The following NRG3 variants were observed in gnomAD, a reference collection of about 807,000 sequenced individuals.
The protein encoded by NRG3 is pro-neuregulin-3, membrane-bound isoform.
In NRG3, 31 loss-of-function variants were observed where a neutral mutation model predicts 66.9. The ratio of observed to expected loss-of-function variants is 0.46; its 90% CI spans 0.35 to 0.63. The LOEUF is 0.63. Among genes scored for constraint, NRG3 ranks in the 20% least tolerant of loss-of-function variants. NRG3 has a pLI of 0.00. For missense variants in NRG3, 910 were observed against 878.9 expected (o/e 1.04, Z -0.45); for synonymous variants, 393 against 359.4 (o/e 1.09, Z -1.06).
intron 1 of NRG3, among the ~76,000 whole-genome samples, chr10:82,344,221 A>C (rs2082853446): frequency 6.8e-6 from 1 of 146,980 alleles, no homozygotes; most frequent in African/African-American, 2.7e-5. Flanking sequence ...CGCTCCCCAC[A>C]CCCCACAACA....
intron 4 of NRG3, among the ~76,000 whole-genome samples, chr10:82,934,972 A>G (rs1300082722): frequency 3.3e-5 from 5 of 152,170 alleles, no homozygotes; most frequent in Non-Finnish European, 5.9e-5. Context: ...CTATTTATAT[A>G]AACACTTCAT....
At position 82,601,949 on chromosome 10, in the gene NRG3, G is replaced by A. The variant is rs1379657820; in HGVS notation, c.954-136628G>A. On this transcript the variant is annotated intron_variant, in intron 2 of 8. Coordinates refer to ENST00000372141, the MANE Select transcript of NRG3 (RefSeq NM_001010848.4). The stretch of plus-strand genomic sequence containing the variant: ...ATATATATAGTTAACTAGGCTTGGT[G>A]GTGCATGCCTATAGTCCTAACTATT... 4.7e-5 allele frequency among the ~76,000 whole-genome samples: 7 copies of A among 148,690 alleles called. No homozygotes were observed. In the South Asian group the frequency reaches 1.3e-3, roughly 27 times the overall value.
At chr10:82,431,780 G>A (rs2089820784) in intron 2 of NRG3, among the ~76,000 whole-genome samples, 1 of 152,078 alleles carries the variant, frequency 6.6e-6, no homozygotes, top group Admixed American at 6.5e-5. Context: ...AGCATACTAT[G>A]TTTATCTTCT....
At chr10:82,210,245 C>T (rs1318149129) in intron 1 of NRG3, among the ~76,000 whole-genome samples, 3 of 152,148 alleles carry the variant, frequency 2.0e-5, no homozygotes, top group African/African-American at 7.2e-5. Flanking sequence ...TGGCCAGGCT[C>T]TCCTCAATGA....
At chr10:82,739,542 C>T (rs922068176) in intron 3 of NRG3, among the ~76,000 whole-genome samples, 2 of 152,262 alleles carry the variant, frequency 1.3e-5, no homozygotes, top group South Asian at 2.1e-4. Flanking sequence ...TGTGTCTGTG[C>T]GTTTTGCTGC....
chr10:82,790,587 G>C (rs2060546867), intron 3 of NRG3, among the ~76,000 whole-genome samples: 1 of 152,030 alleles, frequency 6.6e-6, no homozygotes, highest in Non-Finnish European at 1.5e-5. Flanking sequence ...AGGTCATTGA[G>C]CCTCTTGGAT....
At chr10:82,705,065 G>GA (rs756605120) in intron 2 of NRG3, among the ~76,000 whole-genome samples, 7 of 152,272 alleles carry the variant, frequency 4.6e-5, no homozygotes, top group East Asian at 1.9e-4. Context: ...AGAAAATCCT[G>GA]AAAATGTGTT....
chr10:82,897,069 G>A (rs1033302485), intron 4 of NRG3, among the ~76,000 whole-genome samples: 3 of 152,130 alleles, frequency 2.0e-5, no homozygotes, highest in African/African-American at 7.2e-5. Context: ...TTATCATCAC[G>A]ATACACTGTG....
At chr10:82,666,770 C>T (rs1194538745) in intron 2 of NRG3, among the ~76,000 whole-genome samples, 1 of 152,316 alleles carries the variant, frequency 6.6e-6, no homozygotes, top group Non-Finnish European at 1.5e-5. Flanking sequence ...TCATGGCTTC[C>T]TGTTGCTCAG....
At chr10:82,330,278 A>G (rs908141560) in intron 1 of NRG3, among the ~76,000 whole-genome samples, 5 of 152,224 alleles carry the variant, frequency 3.3e-5, no homozygotes, top group African/African-American at 1.2e-4. Context: ...TTATAATTAT[A>G]TAAACTTTAC....
intron 3 of NRG3, among the ~76,000 whole-genome samples, chr10:82,864,833 G>T (rs1840548825): frequency 6.6e-6 from 1 of 152,152 alleles, no homozygotes; most frequent in African/African-American, 2.4e-5. Flanking sequence ...AAGTGTCTCA[G>T]ATTTTGTAAC....
chr10:82,899,386 T>TGAACAAAATCATGC (rs1361571526), intron 4 of NRG3, among the ~76,000 whole-genome samples: 42 of 152,276 alleles, frequency 2.8e-4, no homozygotes, highest in African/African-American at 9.4e-4. Flanking sequence ...CTTAACAGTA[T>TGAACAAAATCATGC]GAACAAAATC....
intron 4 of NRG3, among the ~76,000 whole-genome samples, chr10:82,867,930 C>T (rs2135964461): frequency 6.6e-6 from 1 of 152,292 alleles, no homozygotes; most frequent in Non-Finnish European, 1.5e-5. Context: ...CATCAGTACT[C>T]ATTTTGAATA....
At chr10:82,910,786 G>T (rs1270653341) in intron 4 of NRG3, among the ~76,000 whole-genome samples, 1 of 152,224 alleles carries the variant, frequency 6.6e-6, no homozygotes, top group Non-Finnish European at 1.5e-5. Flanking sequence ...ACACTTTATT[G>T]AGCAGAATGC....
intron 2 of NRG3, among the ~76,000 whole-genome samples, chr10:82,532,001 CT>C (rs1013645324): frequency 1.1e-4 from 16 of 151,564 alleles, no homozygotes; most frequent in African/African-American, 3.4e-4. Flanking sequence ...TTTGATTATT[CT>C]TTTTTTATGA....
Position 82,329,048 on chromosome 10 carries a change from A to C in NRG3, c.824-29691A>C, listed in dbSNP as rs2082009571. Among the ~76,000 whole-genome samples the C allele has an allele frequency of 3.3e-5, 5 of 152,310 alleles. 1 individual carries two copies. In the South Asian group the frequency reaches 1.0e-3, roughly 32 times the overall value. ...GCCTGCCTCCAAAGCAGAGGTATAC[A>C]GGGGAGTGGAGAATAAAGCCACTGG... On this transcript the variant is annotated intron_variant, in intron 1 of 8. Transcript: ENST00000372141.
intron 2 of NRG3, among the ~76,000 whole-genome samples, chr10:82,708,256 C>G (rs1405605680): frequency 6.6e-6 from 1 of 152,126 alleles, no homozygotes; most frequent in Non-Finnish European, 1.5e-5. Context: ...CTTTGTCCCT[C>G]TGACTATGGT....
chr10:81,900,059 G>A (rs973700719), intron 1 of NRG3, among the ~76,000 whole-genome samples: 30 of 150,570 alleles, frequency 2.0e-4, no homozygotes, highest in African/African-American at 6.9e-4. Flanking sequence ...ATGATTCTCC[G>A]CCTCAGCCTC....
chr10:82,760,562 C>T (rs2059262664), intron 3 of NRG3, among the ~76,000 whole-genome samples: 1 of 152,022 alleles, frequency 6.6e-6, no homozygotes, highest in South Asian at 2.1e-4. Context: ...TAACTTCATA[C>T]TGAAGCTTTA....
Sources: allele counts gnomAD v4.1 joint callset (sites outside exome capture counted in the v4.1 genomes callset), GRCh38; gene constraint gnomAD v4.1.1; transcripts MANE v1.5; gene names NCBI Gene and HGNC (gene_info 2026-07-23, HGNC 2026-07-21).